Variants in LSAMP observed in about 807,000 individuals in gnomAD.
The protein encoded by LSAMP is limbic system-associated membrane protein.
A neutral mutation model predicts 38.6 loss-of-function variants in LSAMP; 7 were observed. The observed-to-expected ratio is 0.18, with a 90% CI of 0.10 to 0.34. LSAMP has a LOEUF of 0.34. LSAMP is among the 10% of genes least tolerant of loss of function. LSAMP has a pLI of 1.00. For missense variants in LSAMP, 313 were observed against 420.0 expected, an observed-to-expected ratio of 0.75 and a Z score of 2.23; for synonymous variants, 154 against 166.8, an observed-to-expected ratio of 0.92 and a Z score of 0.59.
intron 3 of LSAMP, among the ~76,000 whole-genome samples, chr3:115,908,997 A>G: frequency 6.6e-6 from 1 of 152,164 alleles, no homozygotes; most frequent in East Asian, 1.9e-4. Context: ...TTTAGATAAC[A>G]TAACTTTTGG....
chr3:116,308,533 CCAAAGGTT>C (rs1190832832), intron 1 of LSAMP, among the ~76,000 whole-genome samples: 1 of 152,024 alleles, frequency 6.6e-6, no homozygotes, highest in Non-Finnish European at 1.5e-5. Flanking sequence ...CCTGTGACTT[CCAAAGGTT>C]CAGGTCTACT....
intron 1 of LSAMP, among the ~76,000 whole-genome samples, chr3:116,176,782 G>T (rs1331762715): frequency 6.6e-6 from 1 of 152,066 alleles, no homozygotes; most frequent in Non-Finnish European, 1.5e-5. Context: ...ATATCAATAG[G>T]AACAGAAACC....
intron 2 of LSAMP, among the ~76,000 whole-genome samples, chr3:116,021,599 C>G (rs1281514909): frequency 6.6e-6 from 1 of 152,132 alleles, no homozygotes; most frequent in Non-Finnish European, 1.5e-5. Flanking sequence ...TATAGTAATT[C>G]TAAGAGTCCA....
chr3:115,865,293 T>A (rs943269786), intron 3 of LSAMP, among the ~76,000 whole-genome samples: 8 of 152,186 alleles, frequency 5.3e-5, no homozygotes, highest in Admixed American at 1.3e-4. Flanking sequence ...TAAAGACTAT[T>A]TAAAAATTAC....
chr3:115,869,044 C>T (rs1173454177), intron 3 of LSAMP, among the ~76,000 whole-genome samples: 1 of 152,070 alleles, frequency 6.6e-6, no homozygotes, highest in Non-Finnish European at 1.5e-5. Context: ...TTTTCTAGCA[C>T]ACAGTTTGAA....
intron 1 of LSAMP, among the ~76,000 whole-genome samples, chr3:116,340,136 G>A (rs573017060): frequency 2.0e-5 from 3 of 152,106 alleles, no homozygotes; most frequent in East Asian, 1.9e-4. Flanking sequence ...CTGTTAAAAC[G>A]TGTGTGACTT....
intron 1 of LSAMP, among the ~76,000 whole-genome samples, chr3:116,239,781 T>G (rs1036397453): frequency 1.3e-5 from 2 of 152,192 alleles, no homozygotes; most frequent in African/African-American, 2.4e-5. Context: ...TTAAAAATTA[T>G]TCTAAATCTA....
At chr3:116,355,315 G>A (rs1429197999) in intron 1 of LSAMP, among the ~76,000 whole-genome samples, 1 of 152,054 alleles carries the variant, frequency 6.6e-6, no homozygotes, top group Admixed American at 6.6e-5. Context: ...TTTGACAAAA[G>A]TGCAAAGAAC....
At chr3:116,411,592 CAGG>C (rs564028274) in intron 1 of LSAMP, among the ~76,000 whole-genome samples, 2,308 of 125,770 alleles carry the variant, frequency 0.018, 23 homozygotes, top group Middle Eastern at 0.04. Context: ...CACACAGACA[CAGG>C]AAGGGGAACA....
chr3:116,303,857 A>T (rs1468103892), intron 1 of LSAMP, among the ~76,000 whole-genome samples: 2 of 152,186 alleles, frequency 1.3e-5, no homozygotes, highest in Non-Finnish European at 2.9e-5. Flanking sequence ...TATCATTGTG[A>T]AAAGCAAGTG....
intron 3 of LSAMP, among the ~76,000 whole-genome samples, chr3:115,975,481 C>T (rs962527325): frequency 6.6e-6 from 1 of 152,138 alleles, no homozygotes; most frequent in Non-Finnish European, 1.5e-5. Flanking sequence ...GCAAAGGAGA[C>T]AGACAGTAAG....
intron 2 of LSAMP, among the ~76,000 whole-genome samples, chr3:116,054,669 T>C (rs1478633950): frequency 6.6e-6 from 1 of 152,226 alleles, no homozygotes; most frequent in South Asian, 2.1e-4. Context: ...AATATACAAA[T>C]GATTACATGC....
At chr3:116,313,239 T>TTC (rs2047582625) in intron 1 of LSAMP, among the ~76,000 whole-genome samples, 1 of 152,216 alleles carries the variant, frequency 6.6e-6, no homozygotes, top group Non-Finnish European at 1.5e-5. Context: ...TCGGCAGTAC[T>TTC]CTGTTGGAGT....
chr3:115,882,881 CA>C (rs1409158520), intron 3 of LSAMP, among the ~76,000 whole-genome samples: 1 of 151,900 alleles, frequency 6.6e-6, no homozygotes, highest in African/African-American at 2.4e-5. Context: ...TGATAAAAAA[CA>C]AAACAAAACC....
chr3:116,125,146 A>G (rs577446094), intron 1 of LSAMP, among the ~76,000 whole-genome samples: 11 of 152,166 alleles, frequency 7.2e-5, no homozygotes, highest in Non-Finnish European at 1.5e-4. Context: ...GGCTTCTCTT[A>G]TAGGGAACAA....
chr3:116,175,389 C>T (rs1710312888), intron 1 of LSAMP, among the ~76,000 whole-genome samples: 1 of 151,956 alleles, frequency 6.6e-6, no homozygotes, highest in African/African-American at 2.4e-5. Context: ...GTGTTGGGAA[C>T]AGTCAATATC....
At chr3:116,072,751 G>GTTTTTT (rs1559731710) in intron 2 of LSAMP, among the ~76,000 whole-genome samples, 3 of 118,706 alleles carry the variant, frequency 2.5e-5, no homozygotes, top group Non-Finnish European at 3.6e-5. Context: ...GGTTGTTTGT[G>GTTTTTT]GTTTTTTTTT....
chr3:115,915,415 T>A (rs1224739329), intron 3 of LSAMP, among the ~76,000 whole-genome samples: 1 of 152,214 alleles, frequency 6.6e-6, no homozygotes. Flanking sequence ...TGATATCAAC[T>A]AGGTCAGTTC....
chr3:116,358,686 T>G (rs182816348), intron 1 of LSAMP, among the ~76,000 whole-genome samples: 25 of 152,202 alleles, frequency 1.6e-4, no homozygotes, highest in Admixed American at 1.4e-3. Context: ...TATCTCTTTA[T>G]GCATACTTGT....
Sources: gnomAD v4.1 joint callset for allele counts (sites outside exome capture counted in the v4.1 genomes callset) on GRCh38, gnomAD v4.1.1 for gene constraint, MANE v1.5 for transcripts, NCBI Gene and HGNC (gene_info 2026-07-23, HGNC 2026-07-21) for gene names.